Variants in KALRN observed in about 807,000 individuals in gnomAD.
KALRN encodes kalirin.
A neutral mutation model predicts 353.7 loss-of-function variants in KALRN; 70 were observed. The observed-to-expected ratio is 0.20, with a 90% CI of 0.16 to 0.24. The LOEUF (loss-of-function observed/expected upper bound fraction) is 0.24. Ranked by LOEUF, KALRN falls within the 10% of genes least tolerant of loss-of-function variation. KALRN has a pLI of 1.00. For missense variants in KALRN, 2,791 were observed against 3,756.7 expected (o/e 0.74, Z 6.72); for synonymous variants, 1,391 against 1,434.8 (o/e 0.97, Z 0.69).
chr3:124,387,881 G>A (rs1050050908), intron 11 of KALRN, among the ~76,000 whole-genome samples: 1 of 152,098 alleles, frequency 6.6e-6, no homozygotes, highest in South Asian at 2.1e-4. Context: ...GGGACATGCA[G>A]TGGGACTTTG....
intron 34 of KALRN, among the ~76,000 whole-genome samples, chr3:124,589,135 A>G (rs1048884022): frequency 2.6e-5 from 4 of 152,172 alleles, no homozygotes; most frequent in African/African-American, 7.2e-5. Context: ...GTCTTATCCT[A>G]CTTTGTTCCA....
intron 1 of KALRN, chr3:124,152,569 T>G: frequency 1.6e-6 from 1 of 622,988 alleles, no homozygotes; most frequent in Admixed American, 3.1e-5. Flanking sequence ...TTTCTTTTCT[T>G]TTCTTTTCTT....
At chr3:124,077,143 G>A (rs1343167823) in intron 1 of KALRN, among the ~76,000 whole-genome samples, 1 of 152,196 alleles carries the variant, frequency 6.6e-6, no homozygotes, top group East Asian at 1.9e-4. Flanking sequence ...CCACTTCTTG[G>A]TGCTGGTTTG....
In KALRN at chr3:124,725,806, A is replaced by G. The variant is rs989161407; in HGVS notation, c.*6336A>G. The stretch of plus-strand genomic sequence containing the variant: ...ACTGTATTGGCATCTCTTGGTTTTG[A>G]GTGACCCCTGCCCCCCTCAAGTCTT... On this transcript the variant is annotated 3_prime_UTR_variant, in exon 60 of 60. Coordinates refer to ENST00000682506, the MANE Select transcript of KALRN (RefSeq NM_001388419.1). 6.3e-4 allele frequency: 96 copies of G among 152,322 alleles called. No homozygotes were observed. The highest frequency in any genetic ancestry group is 2.1e-3 in the African/African-American group (89 of 41,574). The allele number at this position is 152,322 out of a possible 1,614,324, so 9.4% of individuals were successfully genotyped here.
At chr3:124,236,103 C>A (rs1191731376) in intron 3 of KALRN, among the ~76,000 whole-genome samples, 1 of 150,562 alleles carries the variant, frequency 6.6e-6, no homozygotes, top group African/African-American at 2.4e-5. Flanking sequence ...CCCTGAAGAA[C>A]TTCGGGCAGA....
intron 1 of KALRN, among the ~76,000 whole-genome samples, chr3:124,204,974 CT>C (rs5852395): frequency 0.91 from 138,907 of 152,242 alleles, 64,618 homozygotes; most frequent in Non-Finnish European, 1. Context: ...TCCCTTGTGT[CT>C]TTGTAACATT....
In KALRN at chr3:124,330,004, G is replaced by T. The variant is rs1189261261; in HGVS notation, c.1416+12G>T. 5 of 1,612,602 alleles carry T rather than the reference G, an allele frequency of 3.1e-6. No homozygotes were observed. In the Admixed American group the frequency reaches 8.3e-5, roughly 27 times the overall value. ...AAGCCTACACAGAGGTGAGAATGGA[G>T]CAGGGCAACCATGGTTCTTGGGCAT... On this transcript the variant is annotated intron_variant, in intron 8 of 59. Transcript: ENST00000682506.
chr3:124,363,088 TACA>T (rs2084242234), intron 10 of KALRN, among the ~76,000 whole-genome samples: 1 of 152,142 alleles, frequency 6.6e-6, no homozygotes. Flanking sequence ...TAAAAATATG[TACA>T]ACTATTATAT....
intron 6 of KALRN, among the ~76,000 whole-genome samples, chr3:124,316,188 T>A (rs1244101919): frequency 6.6e-6 from 1 of 152,212 alleles, no homozygotes; most frequent in Non-Finnish European, 1.5e-5. Flanking sequence ...GGCCTCTTAT[T>A]GCCGCCTCCA....
intron 5 of KALRN, among the ~76,000 whole-genome samples, chr3:124,294,453 G>A (rs989001531): frequency 6.6e-6 from 1 of 151,534 alleles, no homozygotes; most frequent in South Asian, 2.1e-4. Context: ...ATGATGAAGG[G>A]TGAGTGGACA....
chr3:124,725,736 CTT>C lies in KALRN; in HGVS notation c.*6267_*6268del, dbSNP rs1486975780. 1 of 152,146 alleles carries C rather than the reference CTT, an allele frequency of 6.6e-6. No homozygotes were observed. The highest frequency in any genetic ancestry group is 1.9e-4 in the East Asian group (1 of 5,196). 9.4% of individuals were successfully genotyped at this position (152,146 alleles called of 1,614,324 possible). ...ATTTAGTTTATTCTGTTTATCTGGA[CTT>C]ATAACTATCTTTACATTTGAACTAT... On this transcript the variant is annotated 3_prime_UTR_variant, in exon 60 of 60. Transcript: ENST00000682506.
intron 38 of KALRN, among the ~76,000 whole-genome samples, chr3:124,654,972 A>AGT (rs1411761030): frequency 1.3e-5 from 2 of 152,222 alleles, no homozygotes; most frequent in African/African-American, 4.8e-5. Context: ...TGGAGAAGGT[A>AGT]GTGCTGCATT....
chr3:124,496,436 C>T (rs761438920), intron 33 of KALRN, 23 bp downstream of exon 33: 13 of 1,565,648 alleles, frequency 8.3e-6, no homozygotes, highest in Non-Finnish European at 1.1e-5. Flanking sequence ...CCTAACCTTC[C>T]TTCCCCTGAG....
intron 36 of KALRN, 22 bp downstream of exon 36, chr3:124,633,975 A>G (rs748976976): frequency 1.3e-6 from 2 of 1,588,240 alleles, no homozygotes; most frequent in East Asian, 2.2e-5. Flanking sequence ...TTACTTGCTC[A>G]CTTAAAAGAG....
intron 27 of KALRN, among the ~76,000 whole-genome samples, chr3:124,480,699 C>G (rs1444941209): frequency 6.6e-6 from 1 of 152,154 alleles, no homozygotes; most frequent in Non-Finnish European, 1.5e-5. Flanking sequence ...CCATCACCCC[C>G]CAGCTCTCCA....
chr3:124,293,633 A>C (rs1438471915), intron 5 of KALRN, among the ~76,000 whole-genome samples: 1 of 151,520 alleles, frequency 6.6e-6, no homozygotes, highest in Non-Finnish European at 1.5e-5. Context: ...AAAGAAAAGG[A>C]AAAAAAAACC....
At chr3:124,312,116 A>G (rs1202225366) in intron 6 of KALRN, among the ~76,000 whole-genome samples, 1 of 152,208 alleles carries the variant, frequency 6.6e-6, no homozygotes, top group Non-Finnish European at 1.5e-5. Context: ...ATACTAATAT[A>G]CTAAAAACCA....
chr3:124,496,016 C>CAT (rs2063798056), intron 32 of KALRN, among the ~76,000 whole-genome samples: 5 of 30,152 alleles, frequency 1.7e-4, no homozygotes, highest in Admixed American at 5.0e-4. Flanking sequence ...TATATATACA[C>CAT]ACACATATAT....
At chr3:124,476,613 G>A (rs560050982) in intron 26 of KALRN, among the ~76,000 whole-genome samples, 12 of 152,246 alleles carry the variant, frequency 7.9e-5, no homozygotes, top group African/African-American at 2.9e-4. Context: ...AACCCAGAGA[G>A]TCTTCAGAGT....
Sources: allele counts gnomAD v4.1 joint callset (sites outside exome capture counted in the v4.1 genomes callset), GRCh38; gene constraint gnomAD v4.1.1; transcripts MANE v1.5; gene names NCBI Gene and HGNC (gene_info 2026-07-23, HGNC 2026-07-21).